DLC1: variants seen among roughly 807,000 people sequenced by gnomAD.
DLC1 encodes the protein DLC1 Rho GTPase activating protein.
A neutral mutation model predicts 140.3 loss-of-function variants in DLC1; 54 were observed. That is an observed-to-expected ratio of 0.38 (90% confidence interval 0.31 to 0.48). The LOEUF (loss-of-function observed/expected upper bound fraction) is 0.48, where lower values mean the gene tolerates loss of function less well. Among genes scored for constraint, DLC1 ranks in the 20% least tolerant of loss-of-function variants. The pLI is 0.96. For synonymous variants in DLC1, 986 were observed against 728.1 expected, an observed-to-expected ratio of 1.35 and a Z score of -5.70; for missense variants, 2,536 against 1,907.0, an observed-to-expected ratio of 1.33 and a Z score of -6.14.
chr8:13,122,986 G>C (rs1821227553), intron 5 of DLC1, among the ~76,000 whole-genome samples: 1 of 152,018 alleles, frequency 6.6e-6, no homozygotes, highest in South Asian at 2.1e-4. Flanking sequence ...ATCCAACTAG[G>C]CGTACTGCCA....
intron 1 of DLC1, among the ~76,000 whole-genome samples, chr8:13,577,194 G>A (rs1057106151): frequency 1.3e-5 from 2 of 152,102 alleles, no homozygotes; most frequent in African/African-American, 2.4e-5. Flanking sequence ...CTTTATAATA[G>A]GTTTCACTCC....
chr8:13,389,153 G>A (rs1160170898), intron 4 of DLC1, among the ~76,000 whole-genome samples: 1 of 151,784 alleles, frequency 6.6e-6, no homozygotes, highest in East Asian at 1.9e-4. Flanking sequence ...TTGTTTTCTG[G>A]GGCTTGGCTC....
chr8:13,397,720 C>T (rs1373297988), intron 3 of DLC1, among the ~76,000 whole-genome samples: 1 of 151,966 alleles, frequency 6.6e-6, no homozygotes, highest in Non-Finnish European at 1.5e-5. Flanking sequence ...CTTGTATTCT[C>T]AGCAACTCAG....
intron 1 of DLC1, among the ~76,000 whole-genome samples, chr8:13,544,369 C>G (rs1303373105): frequency 6.6e-6 from 1 of 152,128 alleles, no homozygotes; most frequent in Non-Finnish European, 1.5e-5. Flanking sequence ...GGTCTTATTA[C>G]TCTAATTTAA....
intron 5 of DLC1, among the ~76,000 whole-genome samples, chr8:13,224,144 C>G (rs1452708829): frequency 6.6e-6 from 1 of 152,070 alleles, no homozygotes; most frequent in Non-Finnish European, 1.5e-5. Context: ...TAACTGAGAT[C>G]CAGGTAAACA....
chr8:13,335,888 G>C (rs984524341), intron 4 of DLC1, among the ~76,000 whole-genome samples: 2 of 97,374 alleles, frequency 2.1e-5, no homozygotes, highest in Non-Finnish European at 4.3e-5. Flanking sequence ...ATCATGACTT[G>C]TTAATTTCAA....
intron 1 of DLC1, among the ~76,000 whole-genome samples, chr8:13,562,797 A>C (rs1047753400): frequency 6.6e-6 from 1 of 152,214 alleles, no homozygotes; most frequent in African/African-American, 2.4e-5. Flanking sequence ...AAAATGTGTG[A>C]ATAAAATACA....
At chr8:13,319,656 G>A (rs1036330811) in intron 4 of DLC1, among the ~76,000 whole-genome samples, 2 of 151,900 alleles carry the variant, frequency 1.3e-5, no homozygotes, top group Non-Finnish European at 2.9e-5. Context: ...TTGAGACCTC[G>A]CCAGCCATGC....
intron 1 of DLC1, among the ~76,000 whole-genome samples, chr8:13,575,349 G>C (rs186004128): frequency 6.4e-4 from 97 of 152,218 alleles, no homozygotes; most frequent in African/African-American, 2.2e-3. Flanking sequence ...GGTTAGGAGG[G>C]GGGTACGAGA....
At chr8:13,417,429 A>C (rs1380372589) in intron 2 of DLC1, among the ~76,000 whole-genome samples, 1 of 140,518 alleles carries the variant, frequency 7.1e-6, no homozygotes, top group African/African-American at 2.7e-5. Context: ...CTCACTGTTC[A>C]ATTCCCATCT....
At chr8:13,402,352 A>G (rs1044478237) in intron 2 of DLC1, among the ~76,000 whole-genome samples, 1 of 152,242 alleles carries the variant, frequency 6.6e-6, no homozygotes, top group Non-Finnish European at 1.5e-5. Flanking sequence ...TTACTTGGGC[A>G]TGACTCAACC....
chr8:13,417,077 T>G (rs1838099990), intron 2 of DLC1, among the ~76,000 whole-genome samples: 1 of 152,082 alleles, frequency 6.6e-6, no homozygotes, highest in Admixed American at 6.6e-5. Flanking sequence ...CAGAAATGTG[T>G]CAACAATTAT....
In DLC1 at chr8:13,095,232, A is replaced by T. The variant is rs769949995; in HGVS notation, c.3181T>A (p.Phe1061Ile). 6.2e-7 allele frequency: 1 copy of T among 1,614,206 alleles called. No individual in the cohort carries two copies. The highest frequency in any genetic ancestry group is 2.2e-5 in the East Asian group (1 of 44,876). ...KHGFSWAVPK[F>I]MKRIKVPDYK... ...TCTGGAACCTTGATCCTCTTCATGA[A>T]CTTGGGCACGGCCCTGTTAAAGAAC... The change falls in exon 11 of 18, where the codon TTC (phenylalanine) becomes ATC (isoleucine). Residue 1061 changes from phenylalanine (F) to isoleucine (I), a missense_variant. Transcript: ENST00000276297.
chr8:13,337,362 A>T (rs1441032596), intron 4 of DLC1, among the ~76,000 whole-genome samples: 1 of 152,198 alleles, frequency 6.6e-6, no homozygotes, highest in Non-Finnish European at 1.5e-5. Flanking sequence ...GGATTACCTA[A>T]TTTGTAATTA....
chr8:13,349,399 A>T (rs1834529071), intron 4 of DLC1, among the ~76,000 whole-genome samples: 1 of 152,210 alleles, frequency 6.6e-6, no homozygotes, highest in Non-Finnish European at 1.5e-5. Context: ...TGGAAGAAAG[A>T]AAGAAAAAAA....
chr8:13,471,472 G>A (rs1800203002), intron 2 of DLC1, among the ~76,000 whole-genome samples: 1 of 131,214 alleles, frequency 7.6e-6, no homozygotes, highest in South Asian at 2.9e-4. Context: ...AGGAAGGAAT[G>A]AAGGAAGGAA....
In DLC1 at chr8:13,201,349, A is replaced by G. The variant is rs528717015; in HGVS notation, c.1349-85692T>C. ...AATAATAAAAATTAAAATATTCATT[A>G]CAGTTCACATTGTAAAGATCACTTT... is the stretch of plus-strand genomic sequence containing the variant. On this transcript the variant is annotated intron_variant, in intron 5 of 17. Transcript: ENST00000276297. 2.0e-5 allele frequency among the ~76,000 whole-genome samples: 3 copies of G among 152,206 alleles called. No homozygotes were observed. The East Asian group carries it at 5.9e-4, about 30-fold the overall frequency.
At chr8:13,476,773 C>T (rs114703545) in intron 2 of DLC1, among the ~76,000 whole-genome samples, 58 of 152,156 alleles carry the variant, frequency 3.8e-4, no homozygotes, top group African/African-American at 1.3e-3. Context: ...GGTAAAAAAA[C>T]CCACTGAATT....
At chr8:13,347,578 GT>G (rs1834409420) in intron 4 of DLC1, among the ~76,000 whole-genome samples, 1 of 152,134 alleles carries the variant, frequency 6.6e-6, no homozygotes, top group African/African-American at 2.4e-5. Flanking sequence ...TAGTTTGAGG[GT>G]TAGAGGATAG....
Sources: allele counts gnomAD v4.1 joint callset (sites outside exome capture counted in the v4.1 genomes callset), GRCh38; gene constraint gnomAD v4.1.1; transcripts MANE v1.5; gene names NCBI Gene and HGNC (gene_info 2026-07-23, HGNC 2026-07-21).